The following CSNK1G3 variants were observed in gnomAD, a reference collection of about 807,000 sequenced individuals.
The protein encoded by CSNK1G3 is casein kinase I isoform gamma-3.
Under a neutral mutation model 64.3 loss-of-function variants are expected in CSNK1G3, and 23 were observed. The ratio of observed to expected loss-of-function variants is 0.36; its 90% confidence interval spans 0.26 to 0.51. CSNK1G3 has a LOEUF of 0.51. CSNK1G3 is among the 20% of genes least tolerant of loss of function. CSNK1G3 has a pLI of 0.96. For missense variants in CSNK1G3, 357 were observed against 510.5 expected (o/e 0.70, Z 2.90); for synonymous variants, 158 against 162.2 (o/e 0.97, Z 0.20).
intron 2 of CSNK1G3, among the ~76,000 whole-genome samples, chr5:123,551,812 C>T (rs1440169379): frequency 6.6e-6 from 1 of 152,080 alleles, no homozygotes; most frequent in Non-Finnish European, 1.5e-5. Context: ...AAAAAACTAT[C>T]ATTGTTTTGT....
At chr5:123,578,613 A>G (rs1789628912) in intron 6 of CSNK1G3, among the ~76,000 whole-genome samples, 1 of 151,710 alleles carries the variant, frequency 6.6e-6, no homozygotes, top group Admixed American at 6.6e-5. Context: ...AATATTTTTG[A>G]AGTCTAGTTT....
chr5:123,527,903 A>G (rs1779347046), intron 1 of CSNK1G3, among the ~76,000 whole-genome samples: 1 of 152,094 alleles, frequency 6.6e-6, no homozygotes, highest in South Asian at 2.1e-4. Flanking sequence ...TAACATATTC[A>G]AATCTTTTCT....
intron 1 of CSNK1G3, among the ~76,000 whole-genome samples, chr5:123,512,859 C>T (rs923485650): frequency 6.6e-6 from 1 of 151,808 alleles, no homozygotes; most frequent in Admixed American, 6.5e-5. Context: ...GCAAAAGTTG[C>T]CGGAGTGGTG....
At chr5:123,550,683 AT>A (rs1459489457) in intron 2 of CSNK1G3, among the ~76,000 whole-genome samples, 1 of 152,222 alleles carries the variant, frequency 6.6e-6, no homozygotes, top group Non-Finnish European at 1.5e-5. Flanking sequence ...GTCTTTTAAA[AT>A]TGGATTAAAA....
intron 2 of CSNK1G3, among the ~76,000 whole-genome samples, chr5:123,547,956 A>G (rs1269902810): frequency 1.3e-5 from 2 of 152,192 alleles, no homozygotes; most frequent in African/African-American, 2.4e-5. Context: ...TTCTTAAAGT[A>G]CTTTCTTTAA....
intron 1 of CSNK1G3, among the ~76,000 whole-genome samples, chr5:123,512,811 G>A (rs984725030): frequency 6.6e-6 from 1 of 151,842 alleles, no homozygotes; most frequent in African/African-American, 2.4e-5. Context: ...GGAGGGCTAG[G>A]GGGCAGCGGG....
chr5:123,601,877 G>T (rs1277754553), intron 10 of CSNK1G3, among the ~76,000 whole-genome samples: 2 of 152,102 alleles, frequency 1.3e-5, no homozygotes, highest in African/African-American at 2.4e-5. Context: ...TTATGTACTG[G>T]ATACAGGCAC....
intron 4 of CSNK1G3, among the ~76,000 whole-genome samples, chr5:123,566,956 G>C (rs545400985): frequency 5.3e-5 from 8 of 152,040 alleles, no homozygotes; most frequent in Non-Finnish European, 1.0e-4. Context: ...GTATTCGTCC[G>C]TTTTCTTGCT....
At chr5:123,519,122 C>T (rs1395792927) in intron 1 of CSNK1G3, among the ~76,000 whole-genome samples, 1 of 152,012 alleles carries the variant, frequency 6.6e-6, no homozygotes, top group Non-Finnish European at 1.5e-5. Flanking sequence ...GGCATGATCT[C>T]GGTTCATTGC....
chr5:123,588,305 G>T (rs1791696629), intron 7 of CSNK1G3, 122 bp from the exon 8 acceptor site: 1 of 1,040,152 alleles, frequency 9.6e-7, no homozygotes, highest in Non-Finnish European at 1.5e-6. Context: ...TCAAACTCCT[G>T]GGCTCAAGCA....
At position 123,524,048 on chromosome 5, in the gene CSNK1G3, C is replaced by T. The variant is rs550567809; in HGVS notation, c.-248+11478C>T. On this transcript the variant is annotated intron_variant, in intron 1 of 12. Transcript: ENST00000345990. Reference sequence around the variant, plus strand: ...TGCTGGAAAACAAACTATGGACCTGCAGCAACCCCTTAATAGAAACTATTC... The same window carrying T: ...TGCTGGAAAACAAACTATGGACCTGTAGCAACCCCTTAATAGAAACTATTC... Among the ~76,000 whole-genome samples, 48 of 152,320 alleles carry T rather than the reference C, an allele frequency of 3.2e-4. No individual in the cohort carries two copies. In the East Asian group the frequency reaches 3.5e-3, roughly 11 times the overall value.
chr5:123,552,264 G>C (rs983602161), intron 2 of CSNK1G3, among the ~76,000 whole-genome samples: 15 of 151,784 alleles, frequency 9.9e-5, no homozygotes, highest in African/African-American at 3.4e-4. Context: ...TCCTGCCTCA[G>C]CCTCCTGAGT....
chr5:123,549,652 C>A (rs1198721806), intron 2 of CSNK1G3, among the ~76,000 whole-genome samples: 1 of 152,224 alleles, frequency 6.6e-6, no homozygotes, highest in Non-Finnish European at 1.5e-5. Context: ...CCTAGGCACT[C>A]CGCTTGCTCT....
chr5:123,533,448 T>C (rs990549234), intron 1 of CSNK1G3, among the ~76,000 whole-genome samples: 1 of 151,894 alleles, frequency 6.6e-6, no homozygotes, highest in Non-Finnish European at 1.5e-5. Context: ...TTTCTTTCCT[T>C]CTTAACCTTC....
intron 10 of CSNK1G3, among the ~76,000 whole-genome samples, chr5:123,599,447 G>A (rs967169279): frequency 1.3e-5 from 2 of 152,194 alleles, no homozygotes; most frequent in Admixed American, 1.3e-4. Context: ...CTTTTAGCCA[G>A]TGAAGCATCA....
chr5:123,591,399 A>G (rs1190147058), exon 10 of CSNK1G3: 2 of 1,607,658 alleles, frequency 1.2e-6, no homozygotes, highest in Non-Finnish European at 1.7e-6. Context: ...ATAAGATGCA[A>G]CAATCCAAAA....
intron 9 of CSNK1G3, 107 bp from the exon 10 acceptor site, chr5:123,591,208 GTTTA>G (rs768937477): frequency 1.8e-6 from 1 of 548,134 alleles, no homozygotes; most frequent in Non-Finnish European, 3.0e-6. Context: ...TAAAGCCTTA[GTTTA>G]TTTAACAGTC....
intron 2 of CSNK1G3, among the ~76,000 whole-genome samples, chr5:123,547,341 A>G (rs142290924): frequency 2.0e-5 from 3 of 152,200 alleles, no homozygotes; most frequent in Non-Finnish European, 4.4e-5. Context: ...TCAGAATCTG[A>G]TTCATATAAT....
At chr5:123,538,609 A>G (rs1337234666) in intron 1 of CSNK1G3, among the ~76,000 whole-genome samples, 1 of 152,176 alleles carries the variant, frequency 6.6e-6, no homozygotes, top group Non-Finnish European at 1.5e-5. Context: ...GAGGGATAGC[A>G]TTAGGAGAAA....
Sources: gnomAD v4.1 joint callset for allele counts (sites outside exome capture counted in the v4.1 genomes callset) on GRCh38, gnomAD v4.1.1 for gene constraint, MANE v1.5 for transcripts, NCBI Gene and HGNC (gene_info 2026-07-23, HGNC 2026-07-21) for gene names.